NKAIN1: variants seen among roughly 807,000 people sequenced by gnomAD.
NKAIN1 encodes sodium/potassium-transporting ATPase subunit beta-1-interacting protein 1.
In NKAIN1, 13 loss-of-function variants were observed where a neutral mutation model predicts 31.6. The observed-to-expected ratio is 0.41, with a 90% CI of 0.27 to 0.65. The LOEUF is 0.65. Among genes scored for constraint, NKAIN1 ranks in the 30% least tolerant of loss-of-function variants. The probability of loss-of-function intolerance (pLI) is 0.30; values close to 1 mark genes in which losing one functional copy is unlikely to be tolerated. For missense variants in NKAIN1, 193 were observed against 262.2 expected (o/e 0.74, Z 1.82); for synonymous variants, 104 against 109.0 (o/e 0.95, Z 0.28).
At chr1:31,184,077 A>C in intron 3 of NKAIN1, 63 bp from the exon 4 acceptor site, 3 of 1,407,532 alleles carry the variant, frequency 2.1e-6, no homozygotes, top group Non-Finnish European at 3.0e-6. Flanking sequence ...CTACTCCCCC[A>C]GCCCAGGAAG....
chr1:31,196,512 C>G (rs376489258), intron 1 of NKAIN1, among the ~76,000 whole-genome samples: 1 of 91,378 alleles, frequency 1.1e-5, no homozygotes, highest in African/African-American at 4.1e-5. Flanking sequence ...GACTCCTACT[C>G]AAAAAAAAAA....
chr1:31,192,024 C>T (rs1259024192), intron 1 of NKAIN1, among the ~76,000 whole-genome samples: 1 of 152,192 alleles, frequency 6.6e-6, no homozygotes. Context: ...AATCTTCCTG[C>T]CTTGGCCTCC....
intron 5 of NKAIN1, 36 bp downstream of exon 5, chr1:31,182,494 C>T (rs750744177): frequency 1.7e-5 from 27 of 1,612,018 alleles, no homozygotes; most frequent in Admixed American, 1.7e-4. Context: ...AGGCGCAGGG[C>T]CAGATTCCCC....
chr1:31,187,573 C>G (rs1351573461), intron 2 of NKAIN1, among the ~76,000 whole-genome samples: 1 of 152,170 alleles, frequency 6.6e-6, no homozygotes, highest in African/African-American at 2.4e-5. Context: ...TGCGCCCACC[C>G]CTTCCTGAGG....
chr1:31,219,795 AT>A (rs1645548024), intron 1 of NKAIN1, among the ~76,000 whole-genome samples: 2 of 152,222 alleles, frequency 1.3e-5, no homozygotes, highest in African/African-American at 4.8e-5. Flanking sequence ...TAGCTCTGCC[AT>A]GTGCTGGCTG....
intron 1 of NKAIN1, among the ~76,000 whole-genome samples, chr1:31,202,093 T>C (rs981362222): frequency 1.1e-4 from 17 of 152,148 alleles, no homozygotes; most frequent in Admixed American, 9.2e-4. Context: ...ATGCGACTGA[T>C]TGGGCCAGCC....
At chr1:31,218,071 T>TCTTTCTTTCTTTCTTTCTCTTTCTTTC (rs201070152) in intron 1 of NKAIN1, among the ~76,000 whole-genome samples, 2 of 133,614 alleles carry the variant, frequency 1.5e-5, no homozygotes, top group African/African-American at 5.7e-5. Context: ...TTTCTTTCTT[T>TCTTTCTTTCTTTCTTTCTCTTTCTTTC]TTTTTTTTTG....
At chr1:31,212,038 C>T (rs1645474062) in intron 1 of NKAIN1, among the ~76,000 whole-genome samples, 1 of 151,992 alleles carries the variant, frequency 6.6e-6, no homozygotes, top group African/African-American at 2.4e-5. Context: ...ACTCATACTT[C>T]CTGATTTCAA....
At chr1:31,204,013 G>T (rs1380097363) in intron 1 of NKAIN1, among the ~76,000 whole-genome samples, 1 of 152,216 alleles carries the variant, frequency 6.6e-6, no homozygotes, top group Non-Finnish European at 1.5e-5. Flanking sequence ...AACTGTCCCA[G>T]TGTGCCTGAG....
intron 1 of NKAIN1, among the ~76,000 whole-genome samples, chr1:31,226,733 A>C (rs1027502951): frequency 1.3e-5 from 2 of 151,928 alleles, no homozygotes; most frequent in Non-Finnish European, 2.9e-5. Context: ...CATGTTAGCC[A>C]GGCTGTTCTC....
intron 1 of NKAIN1, among the ~76,000 whole-genome samples, chr1:31,189,390 C>T (rs1318019039): frequency 1.3e-5 from 2 of 152,208 alleles, no homozygotes; most frequent in Non-Finnish European, 2.9e-5. Context: ...TATCTCAGCT[C>T]ACTGCAACAT....
chr1:31,229,296 T>C (rs1645629426), intron 1 of NKAIN1, among the ~76,000 whole-genome samples: 1 of 152,200 alleles, frequency 6.6e-6, no homozygotes, highest in African/African-American at 2.4e-5. Context: ...TATGGTGAGC[T>C]GGAGGTGAGT....
chr1:31,181,877 C>A lies in NKAIN1; in HGVS notation c.597G>T (p.Gln199His), dbSNP rs1198175555. ...YQAPQKTSHL[Q>H]LQPLYTSG ...TGACCCACGTGTACAGAGGCTGCAG[C>A]TGTAAATGCGACGTCTTCTGGGGCG... Residue 199 changes from glutamine to histidine, a missense_variant, in exon 6 of 7, where the codon CAG becomes CAT. Coordinates refer to ENST00000373736, the MANE Select transcript of NKAIN1 (RefSeq NM_024522.3). The A allele has an allele frequency of 8.7e-6, 14 of 1,608,110 alleles. No homozygotes were observed. The highest frequency in any genetic ancestry group is 1.0e-5 in the Non-Finnish European group (12 of 1,178,040).
intron 4 of NKAIN1, among the ~76,000 whole-genome samples, chr1:31,183,436 C>CTT (rs3046278): frequency 0.064 from 6,731 of 104,796 alleles, 499 homozygotes; most frequent in Non-Finnish European, 0.079. Flanking sequence ...TTCATTCCCT[C>CTT]TTTTTTTTTT....
At chr1:31,225,028 C>CTTTTTTTTT (rs1645592013) in intron 1 of NKAIN1, among the ~76,000 whole-genome samples, 5 of 112,646 alleles carry the variant, frequency 4.4e-5, no homozygotes, top group Non-Finnish European at 8.6e-5. Context: ...TTTTTCTTTT[C>CTTTTTTTTT]TTTTCTTTTT....
intron 2 of NKAIN1, 126 bp from the exon 3 acceptor site, chr1:31,185,453 G>C (rs768532110): frequency 2.0e-5 from 15 of 732,574 alleles, no homozygotes; most frequent in Middle Eastern, 7.4e-4. Flanking sequence ...CTCACTCAGA[G>C]AGCACAGTGT....
intron 1 of NKAIN1, among the ~76,000 whole-genome samples, chr1:31,189,026 GA>G (rs60728722): frequency 0.049 from 6,551 of 132,642 alleles, 266 homozygotes; most frequent in African/African-American, 0.12. Flanking sequence ...AAAAAGAAAA[GA>G]AAAAAAAAAA....
At chr1:31,230,472 G>A (rs1645639231) in intron 1 of NKAIN1, among the ~76,000 whole-genome samples, 1 of 152,168 alleles carries the variant, frequency 6.6e-6, no homozygotes. Context: ...GGGCCAGGAG[G>A]CCAATGTAAA....
chr1:31,181,434 A>G lies in NKAIN1; in HGVS notation c.*269T>C. 2.5e-6 allele frequency: 1 copy of G among 393,714 alleles called. No homozygotes were observed. Among genetic ancestry groups the G allele is most frequent in the South Asian group, 1.2e-4 (1 of 8,310 alleles). 24.4% of individuals were successfully genotyped at this position (393,714 alleles called of 1,614,324 possible). A position where few individuals can be genotyped will look rare whatever the true frequency, so the allele number is the denominator to read the frequency against. ...AGCTCACGCCAAGGCTGAGATTAAA[A>G]ACAAACAAACAAAAAACAAAAAACC... On this transcript the variant is annotated 3_prime_UTR_variant, in exon 7 of 7. Coordinates refer to ENST00000373736, the MANE Select transcript of NKAIN1 (RefSeq NM_024522.3).
Sources: allele counts gnomAD v4.1 joint callset (sites outside exome capture counted in the v4.1 genomes callset), GRCh38; gene constraint gnomAD v4.1.1; transcripts MANE v1.5; gene names NCBI Gene and HGNC (gene_info 2026-07-23, HGNC 2026-07-21).